PTPRM: variants seen among roughly 807,000 people sequenced by gnomAD.
PTPRM encodes the protein protein tyrosine phosphatase receptor type M.
A neutral mutation model predicts 186.7 loss-of-function variants in PTPRM; 47 were observed. The ratio of observed to expected loss-of-function variants is 0.25; its 90% CI spans 0.20 to 0.32. PTPRM has a LOEUF of 0.32. Ranked by LOEUF, PTPRM falls within the 10% of genes least tolerant of loss-of-function variation. PTPRM has a pLI of 1.00. For synonymous variants in PTPRM, 668 were observed against 674.9 expected, an observed-to-expected ratio of 0.99 and a Z score of 0.16; for missense variants, 1,494 against 1,865.0, an observed-to-expected ratio of 0.80 and a Z score of 3.66.
chr18:7,818,796 G>C (rs1445614557), intron 2 of PTPRM, among the ~76,000 whole-genome samples: 1 of 152,206 alleles, frequency 6.6e-6, no homozygotes, highest in Non-Finnish European at 1.5e-5. Flanking sequence ...ACAAATGAAT[G>C]AGAGAGGATT....
intron 1 of PTPRM, among the ~76,000 whole-genome samples, chr18:7,626,867 A>C (rs1178532784): frequency 1.3e-5 from 2 of 152,022 alleles, no homozygotes; most frequent in Non-Finnish European, 2.9e-5. Flanking sequence ...AACATTTTAA[A>C]AATTTAAAAT....
chr18:7,983,400 G>C (rs531776684), intron 7 of PTPRM, among the ~76,000 whole-genome samples: 1 of 152,202 alleles, frequency 6.6e-6, no homozygotes, highest in Admixed American at 6.5e-5. Flanking sequence ...GGTCCCTGGT[G>C]CCAAAAAGTT....
intron 9 of PTPRM, among the ~76,000 whole-genome samples, chr18:8,080,214 T>G (rs2090053177): frequency 6.6e-6 from 1 of 152,146 alleles, no homozygotes; most frequent in African/African-American, 2.4e-5. Flanking sequence ...GTAAACATAG[T>G]ATGCCAAACC....
rs1242594668 is a variant in PTPRM at position 8,151,692 on chromosome 18, GA to G, written c.2300+7933del. Among the ~76,000 whole-genome samples the G allele has an allele frequency of 6.9e-3, 730 of 105,254 alleles. 3 individuals carry two copies. The highest frequency in any genetic ancestry group is 0.019 in the African/African-American group (548 of 28,226). The allele number at this position is 105,254 out of a possible 152,430, so 69.1% of individuals were successfully genotyped here. A position where few individuals can be genotyped will look rare whatever the true frequency, so the allele number is the denominator to read the frequency against. On this transcript the variant is annotated intron_variant, in intron 14 of 32. Coordinates refer to ENST00000580170, the MANE Select transcript of PTPRM (RefSeq NM_001105244.2). ...GCGTTCCAGGAGCCACTGGGGTATG[GA>G]AAAAAAAAAAAAAAAAAAACTCCTG...
intron 1 of PTPRM, among the ~76,000 whole-genome samples, chr18:7,608,564 A>G (rs912464961): frequency 6.6e-6 from 1 of 152,060 alleles, no homozygotes. Context: ...CTCCTTTTCA[A>G]CCCCGAGAAG....
intron 2 of PTPRM, among the ~76,000 whole-genome samples, chr18:7,887,298 G>A (rs535040743): frequency 1.3e-5 from 2 of 152,198 alleles, no homozygotes; most frequent in East Asian, 3.9e-4. Flanking sequence ...AATCCATCTG[G>A]AAGCTCCTCA....
At chr18:8,128,754 T>G (rs2092433182) in intron 13 of PTPRM, among the ~76,000 whole-genome samples, 1 of 152,184 alleles carries the variant, frequency 6.6e-6, no homozygotes, top group African/African-American at 2.4e-5. Context: ...AAACAATATA[T>G]TTTAAAATCT....
intron 7 of PTPRM, among the ~76,000 whole-genome samples, chr18:7,963,559 C>T (rs1408341593): frequency 6.6e-6 from 1 of 152,222 alleles, no homozygotes; most frequent in Non-Finnish European, 1.5e-5. Flanking sequence ...TTCCTCTAGG[C>T]TTGTTTTTGA....
chr18:7,956,534 A>G (rs1370697870), intron 7 of PTPRM, among the ~76,000 whole-genome samples: 1 of 152,212 alleles, frequency 6.6e-6, no homozygotes, highest in African/African-American at 2.4e-5. Flanking sequence ...CTGGGTTAGT[A>G]GACTGTGTAC....
At chr18:8,022,374 C>T (rs2085287642) in intron 7 of PTPRM, among the ~76,000 whole-genome samples, 1 of 152,216 alleles carries the variant, frequency 6.6e-6, no homozygotes, top group South Asian at 2.1e-4. Flanking sequence ...CAAGACTGAG[C>T]TGTTTAGGGT....
rs780713806 is a variant in PTPRM at position 8,253,338 on chromosome 18, T to A, written c.2678T>A (p.Ile893Asn). 4 of 1,598,186 alleles carry A rather than the reference T, an allele frequency of 2.5e-6. No individual in the cohort carries two copies. The highest frequency in any genetic ancestry group is 3.4e-6 in the Non-Finnish European group (4 of 1,172,508). ...PYQTGQLHPA[I>N]RVADLLQHIT... ...CAGACTGGGCAGCTCCACCCCGCCA[T>A]CCGGGTGGCAGACCTCCTTCAGCAC... Residue 893 changes from isoleucine to asparagine, a missense_variant, in exon 19 of 33, where the codon ATC becomes AAC. Transcript: ENST00000580170.
At position 7,705,330 on chromosome 18, in the gene PTPRM, T is replaced by G. The variant is rs970846306; in HGVS notation, c.74-68819T>G. 6.2e-5 allele frequency among the ~76,000 whole-genome samples: 9 copies of G among 145,624 alleles called. No individual in the cohort carries two copies. In the Admixed American group the frequency reaches 6.2e-4, roughly 10 times the overall value. On this transcript the variant is annotated intron_variant, in intron 1 of 32. Coordinates refer to ENST00000580170, the MANE Select transcript of PTPRM (RefSeq NM_001105244.2). ...ATCTATCTATCTATCTATCTATCTGTCTATCTAGCTAGCTAGCTAGCTATC... is the reference window on the plus strand; with the variant it reads ...ATCTATCTATCTATCTATCTATCTGGCTATCTAGCTAGCTAGCTAGCTATC...
At chr18:7,626,533 TCTG>T (rs1490115320) in intron 1 of PTPRM, among the ~76,000 whole-genome samples, 1 of 152,132 alleles carries the variant, frequency 6.6e-6, no homozygotes, top group Non-Finnish European at 1.5e-5. Flanking sequence ...ACAGATGACT[TCTG>T]CTGGTATGAC....
intron 2 of PTPRM, among the ~76,000 whole-genome samples, chr18:7,792,129 C>A (rs970857198): frequency 6.6e-6 from 1 of 152,146 alleles, no homozygotes; most frequent in South Asian, 2.1e-4. Context: ...AAAATCAATA[C>A]TAAAAGTAAA....
chr18:7,960,486 C>T lies in PTPRM; in HGVS notation c.1132+5072C>T, dbSNP rs547351018. Reference sequence around the variant, plus strand: ...ATATATATATATATATATATACACACACACACACACACACACACACACGTG... The same window carrying T: ...ATATATATATATATATATATACACATACACACACACACACACACACACGTG... On this transcript the variant is annotated intron_variant, in intron 7 of 32. Transcript: ENST00000580170. Among the ~76,000 whole-genome samples, 1,393 of 143,470 alleles carry T rather than the reference C, an allele frequency of 9.7e-3. 15 individuals are homozygous for T. Among genetic ancestry groups the T allele is most frequent in the South Asian group, 0.02 (90 of 4,484 alleles). The allele number at this position is 143,470 out of a possible 152,430, so 94.1% of individuals were successfully genotyped here. A position where few individuals can be genotyped will look rare whatever the true frequency, so the allele number is the denominator to read the frequency against.
chr18:7,590,372 A>G (rs1438055782), intron 1 of PTPRM, among the ~76,000 whole-genome samples: 4 of 152,168 alleles, frequency 2.6e-5, no homozygotes, highest in African/African-American at 7.2e-5. Flanking sequence ...TCCCAGGGTG[A>G]TGGGTCATCC....
chr18:7,823,759 C>G (rs541695295), intron 2 of PTPRM, among the ~76,000 whole-genome samples: 1 of 152,306 alleles, frequency 6.6e-6, no homozygotes, highest in African/African-American at 2.4e-5. Flanking sequence ...GCCCTTGGGT[C>G]GGCTTCCCTG....
At chr18:7,781,443 T>C (rs953243424) in intron 2 of PTPRM, among the ~76,000 whole-genome samples, 2 of 152,336 alleles carry the variant, frequency 1.3e-5, no homozygotes, top group African/African-American at 4.8e-5. Context: ...TCAAATACAC[T>C]GATTTTTTTT....
chr18:7,962,710 T>A (rs2053761353), intron 7 of PTPRM, among the ~76,000 whole-genome samples: 1 of 152,236 alleles, frequency 6.6e-6, no homozygotes, highest in Admixed American at 6.5e-5. Context: ...ATTTTTAGTT[T>A]GTTTCTGTGG....
Sources: gnomAD v4.1 joint callset for allele counts (sites outside exome capture counted in the v4.1 genomes callset) on GRCh38, gnomAD v4.1.1 for gene constraint, MANE v1.5 for transcripts, NCBI Gene and HGNC (gene_info 2026-07-23, HGNC 2026-07-21) for gene names.